ZNF560: variants seen among roughly 807,000 people sequenced by gnomAD.
ZNF560 encodes zinc finger protein 560.
In ZNF560, 54 loss-of-function variants were observed where a neutral mutation model predicts 81.8. That is an observed-to-expected ratio of 0.66 (90% confidence interval 0.53 to 0.83). The LOEUF is 0.83. Among genes scored for constraint, ZNF560 ranks in the 40% least tolerant of loss-of-function variants. The pLI, the probability that ZNF560 is intolerant of heterozygous loss-of-function variation, is 0.00. For synonymous variants in ZNF560, 321 were observed against 317.9 expected (o/e 1.01, Z -0.10); for missense variants, 940 against 932.4 (o/e 1.01, Z -0.11).
In ZNF560 at chr19:9,467,306, C is replaced by T. The variant is rs780396562; in HGVS notation, c.1641G>A (p.Lys547=). 1 of 1,613,978 alleles carries T rather than the reference C, an allele frequency of 6.2e-7. No individual in the cohort carries two copies. The highest frequency in any genetic ancestry group is 1.3e-5 in the African/African-American group (1 of 74,912). ...THTEERLYQC[K]KCGKAFTKCS... ...ACTTAGTGAAAGCTTTACCACATTT[C>T]TTACATTGATAGAGTCTCTCTTCTG... The change falls in exon 10 of 10, where the codon AAG becomes AAA. Residue 547 remains lysine (K), a synonymous_variant. Coordinates refer to ENST00000301480, the MANE Select transcript of ZNF560 (RefSeq NM_152476.3).
chr19:9,486,747 A>G (rs1171470341), intron 2 of ZNF560, among the ~76,000 whole-genome samples: 1 of 150,246 alleles, frequency 6.7e-6, no homozygotes, highest in Non-Finnish European at 1.5e-5. Flanking sequence ...TCTCAAAAAA[A>G]AAAGAAGAAA....
upstream of ZNF560, among the ~76,000 whole-genome samples, chr19:9,500,248 G>A (rs1427704258): frequency 6.6e-6 from 1 of 151,936 alleles, no homozygotes; most frequent in Admixed American, 6.6e-5. Context: ...AGCCAGGCGT[G>A]GTGGTTGGCA....
At position 9,470,403 on chromosome 19, in the gene ZNF560, A is replaced by T; in HGVS notation, c.437T>A (p.Leu146Gln). The stretch of plus-strand genomic sequence containing the variant: ...GATGCCAGACTTACCTACTGAGGAC[A>T]GGTTCTTGTAGTTCTCCAGCATCAC... ...SDVMLENYKNLSSVGYQLFKP... is the reference protein window; with the variant it reads ...SDVMLENYKNQSSVGYQLFKP... The change falls in exon 7 of 10, where the codon CTG becomes CAG. Residue 146 changes from leucine to glutamine, a missense_variant. Coordinates refer to ENST00000301480, the MANE Select transcript of ZNF560 (RefSeq NM_152476.3). 6.2e-7 allele frequency: 1 copy of T among 1,612,176 alleles called. No individual in the cohort carries two copies. The highest frequency in any genetic ancestry group is 8.5e-7 in the Non-Finnish European group (1 of 1,179,092).
In ZNF560 at chr19:9,468,166, T is replaced by C. The variant is rs2073062664; in HGVS notation, c.781A>G (p.Ile261Val). The C allele has an allele frequency of 3.1e-6, 5 of 1,613,952 alleles. No individual in the cohort carries two copies. The highest frequency in any genetic ancestry group is 2.2e-5 in the South Asian group (2 of 91,056). The change falls in exon 10 of 10, where the codon ATA (isoleucine) becomes GTA (valine). Residue 261 changes from isoleucine (I) to valine (V), a missense_variant. Physicochemically the swap from Ile to Val is conservative, Grantham distance 29. Transcript: ENST00000301480. Reference protein sequence around the residue: ...LLSLYNKTSTIRKVSVFSKHG... With the variant: ...LLSLYNKTSTVRKVSVFSKHG... ...TTACTGAACACAGAAACTTTCCTTA[T>C]GGTAGAGGTTTTATTGTATAGAGAA...
At chr19:9,502,498 C>A (rs563829666), upstream of ZNF560, among the ~76,000 whole-genome samples, 109 of 152,312 alleles carry the variant, frequency 7.2e-4, no homozygotes, top group African/African-American at 2.4e-3. Flanking sequence ...GCATGAGCCA[C>A]AACACCCGGC....
chr19:9,500,622 G>A (rs911799932), upstream of ZNF560, among the ~76,000 whole-genome samples: 3 of 151,884 alleles, frequency 2.0e-5, no homozygotes, highest in African/African-American at 7.3e-5. Context: ...CACCCAGGCT[G>A]GAGTGCAGTG....
downstream of ZNF560, among the ~76,000 whole-genome samples, chr19:9,463,943 G>T (rs537478586): frequency 2.6e-5 from 4 of 152,134 alleles, no homozygotes; most frequent in Non-Finnish European, 5.9e-5. Flanking sequence ...TTGGCCTCCC[G>T]AAGTGCTGGG....
At chr19:9,476,145 C>T (rs1467191743) in intron 2 of ZNF560, among the ~76,000 whole-genome samples, 1 of 152,056 alleles carries the variant, frequency 6.6e-6, no homozygotes, top group Non-Finnish European at 1.5e-5. Context: ...GGCTCTGTGT[C>T]CCCACCCAAA....
At chr19:9,498,686 A>G (rs1186897457), upstream of ZNF560, 2 of 152,278 alleles carry the variant, frequency 1.3e-5, no homozygotes, top group African/African-American at 4.8e-5. Flanking sequence ...GCAGTTGGAC[A>G]GGATGGAACT....
At position 9,471,387 on chromosome 19, in the gene ZNF560, A is replaced by C. The variant is rs765852538; in HGVS notation, c.239-9T>G. On this transcript the variant is annotated splice_polypyrimidine_tract_variant and intron_variant, in intron 5 of 9. Coordinates refer to ENST00000301480, the MANE Select transcript of ZNF560 (RefSeq NM_152476.3). Reference sequence around the variant, plus strand: ...ATGTTTTATTGCCCAGTCTGAAACAAAAACATAAACTGAGGTTTTTTTTTT... The same window carrying C: ...ATGTTTTATTGCCCAGTCTGAAACACAAACATAAACTGAGGTTTTTTTTTT... 5 of 1,550,224 alleles carry C rather than the reference A, an allele frequency of 3.2e-6. No homozygotes were observed. In the East Asian group the frequency reaches 1.2e-4, roughly 36 times the overall value.
intron 2 of ZNF560, among the ~76,000 whole-genome samples, chr19:9,492,567 G>A (rs1194398531): frequency 6.6e-6 from 1 of 152,156 alleles, no homozygotes; most frequent in Non-Finnish European, 1.5e-5. Context: ...GTGCAACAGT[G>A]GGAACATGTC....
chr19:9,476,288 T>C (rs2073200999), intron 2 of ZNF560, among the ~76,000 whole-genome samples: 1 of 151,980 alleles, frequency 6.6e-6, no homozygotes, highest in Non-Finnish European at 1.5e-5. Context: ...ATGGTGGGTT[T>C]TTTTTTGTTT....
At chr19:9,501,272 C>T (rs985980006), upstream of ZNF560, among the ~76,000 whole-genome samples, 2 of 150,424 alleles carry the variant, frequency 1.3e-5, no homozygotes, top group African/African-American at 4.9e-5. Flanking sequence ...GCCATCCTCC[C>T]ACCTCAGCCT....
chr19:9,465,132 T>A (rs2072994632), downstream of ZNF560, among the ~76,000 whole-genome samples: 1 of 135,498 alleles, frequency 7.4e-6, no homozygotes, highest in Admixed American at 6.9e-5. Flanking sequence ...GCTATTGATT[T>A]TTTTTTTTTT....
the ZNF560 span, among the ~76,000 whole-genome samples, chr19:9,503,828 G>A: frequency 6.6e-6 from 1 of 152,136 alleles, no homozygotes; most frequent in East Asian, 1.9e-4. Context: ...ATGAGTCATT[G>A]TGCCCAACCT....
At position 9,497,838 on chromosome 19, in the gene ZNF560, A is replaced by G. The variant is rs143064361; in HGVS notation, c.-57+290T>C. On this transcript the variant is annotated intron_variant, in intron 2 of 9. Coordinates refer to ENST00000301480, the MANE Select transcript of ZNF560 (RefSeq NM_152476.3). ...ATCCTTTCTTCCAGGAAGCCTGGTTATGAAGCTCTTTGGAGACGTACAGAG... is the reference window on the plus strand; with the variant it reads ...ATCCTTTCTTCCAGGAAGCCTGGTTGTGAAGCTCTTTGGAGACGTACAGAG... Among the ~76,000 whole-genome samples the G allele has an allele frequency of 5.3e-5, 8 of 152,332 alleles. No individual in the cohort carries two copies. The East Asian group carries it at 1.5e-3, about 29-fold the overall frequency.
chr19:9,506,213 G>A, the ZNF560 span, among the ~76,000 whole-genome samples: 7 of 151,732 alleles, frequency 4.6e-5, no homozygotes, highest in South Asian at 2.1e-4. Context: ...CGCTGGTCTC[G>A]AACTCCTGAC....
chr19:9,492,362 C>T (rs1227497395), intron 2 of ZNF560, among the ~76,000 whole-genome samples: 1 of 152,076 alleles, frequency 6.6e-6, no homozygotes, highest in Non-Finnish European at 1.5e-5. Context: ...TATGGATTTG[C>T]CAGAAGCCTA....
At chr19:9,497,478 T>C (rs990981261) in intron 2 of ZNF560, among the ~76,000 whole-genome samples, 8 of 140,684 alleles carry the variant, frequency 5.7e-5, no homozygotes, top group Non-Finnish European at 1.0e-4. Flanking sequence ...GAGGTTGCAG[T>C]GAGGCGAGAT....
Sources: allele counts gnomAD v4.1 joint callset (sites outside exome capture counted in the v4.1 genomes callset), GRCh38; gene constraint gnomAD v4.1.1; transcripts MANE v1.5; gene names NCBI Gene and HGNC (gene_info 2026-07-23, HGNC 2026-07-21).